ROBO2: variants seen among roughly 807,000 people sequenced by gnomAD.
ROBO2 encodes roundabout homolog 2.
ROBO2 carries 53 observed loss-of-function variants against 160.8 expected under a neutral mutation model. That is an observed-to-expected ratio of 0.33 (90% CI 0.26 to 0.41). The LOEUF (loss-of-function observed/expected upper bound fraction) is 0.41. ROBO2 is among the 10% of genes least tolerant of loss of function. ROBO2 has a pLI of 1.00. For missense variants in ROBO2, 1,577 were observed against 1,722.4 expected (o/e 0.92, Z 1.49); for synonymous variants, 664 against 611.7 (o/e 1.09, Z -1.26).
intron 2 of ROBO2, among the ~76,000 whole-genome samples, chr3:77,415,901 C>G (rs570787167): frequency 1.3e-5 from 2 of 152,170 alleles, no homozygotes; most frequent in African/African-American, 4.8e-5. Context: ...ACAGCTTGTT[C>G]GTTCCTGCAG....
At chr3:76,200,299 G>A (rs1702461929) in intron 2 of ROBO2, among the ~76,000 whole-genome samples, 1 of 152,120 alleles carries the variant, frequency 6.6e-6, no homozygotes, top group African/African-American at 2.4e-5. Context: ...AACAAGGGTT[G>A]TGAAGAGTTC....
intron 2 of ROBO2, among the ~76,000 whole-genome samples, chr3:76,281,189 A>G (rs1430562717): frequency 6.6e-6 from 1 of 151,690 alleles, no homozygotes; most frequent in Non-Finnish European, 1.5e-5. Context: ...AATACTACCA[A>G]TTCCCACATG....
At position 77,116,622 on chromosome 3, in the gene ROBO2, G is replaced by A. The variant is rs140730200; in HGVS notation, c.388+18282G>A. On this transcript the variant is annotated intron_variant, in intron 2 of 25. Coordinates refer to ENST00000461745, the Ensembl canonical transcript of ROBO2. ...GGAAGTATTTACCTGTAATTCTTTCGTCTAAACATTGCTTTTCTAATATGA... is the reference window on the plus strand; with the variant it reads ...GGAAGTATTTACCTGTAATTCTTTCATCTAAACATTGCTTTTCTAATATGA... Among the ~76,000 whole-genome samples the A allele has an allele frequency of 4.7e-3, 722 of 152,182 alleles. 4 individuals are homozygous for A. The highest frequency in any genetic ancestry group is 0.01 in the Middle Eastern group (3 of 294).
chr3:76,071,561 T>C (rs1372459330), intron 2 of ROBO2, among the ~76,000 whole-genome samples: 1 of 152,166 alleles, frequency 6.6e-6, no homozygotes, highest in Non-Finnish European at 1.5e-5. Flanking sequence ...TATCTTTAGG[T>C]ATTTCTTGTT....
At chr3:76,540,291 A>C (rs1475328450) in intron 2 of ROBO2, among the ~76,000 whole-genome samples, 1 of 152,170 alleles carries the variant, frequency 6.6e-6, no homozygotes, top group Non-Finnish European at 1.5e-5. Context: ...TGCTTCTTAA[A>C]TGTGTGGGAA....
At chr3:76,569,850 T>A (rs1163628207) in intron 2 of ROBO2, among the ~76,000 whole-genome samples, 1 of 152,164 alleles carries the variant, frequency 6.6e-6, no homozygotes, top group African/African-American at 2.4e-5. Flanking sequence ...AGCAGCCAGG[T>A]GCAGTGGCTC....
At chr3:75,926,982 C>A (rs199725607) in intron 1 of ROBO2, among the ~76,000 whole-genome samples, 2 of 152,138 alleles carry the variant, frequency 1.3e-5, no homozygotes, top group Non-Finnish European at 2.9e-5. Flanking sequence ...TAACACTTTT[C>A]TTGAGAAATT....
chr3:76,973,655 A>G (rs2059678010), intron 2 of ROBO2, among the ~76,000 whole-genome samples: 1 of 152,320 alleles, frequency 6.6e-6, no homozygotes, highest in Admixed American at 6.5e-5. Context: ...TACATACACA[A>G]GAGACATGGC....
intron 2 of ROBO2, among the ~76,000 whole-genome samples, chr3:77,139,367 A>G (rs1031531508): frequency 2.6e-5 from 4 of 152,218 alleles, no homozygotes; most frequent in Non-Finnish European, 4.4e-5. Flanking sequence ...CTCCATTCAT[A>G]TTTGAAAATT....
rs556858399 is a variant in ROBO2, at chr3:76,940,741, C to T, written c.110-157273C>T. ...TCCTTTTGTACACTCTCCATTCCAA[C>T]GGCTTTATTGCACAATGTATACATT... On this transcript the variant is annotated intron_variant, in intron 2 of 26. Transcript: ENST00000487694. Among the ~76,000 whole-genome samples the T allele has an allele frequency of 2.6e-5, 4 of 152,290 alleles. No homozygotes were observed. The South Asian group carries it at 8.3e-4, about 32-fold the overall frequency.
intron 2 of ROBO2, among the ~76,000 whole-genome samples, chr3:76,299,854 C>CT (rs1201055629): frequency 6.6e-6 from 1 of 151,988 alleles, no homozygotes; most frequent in African/African-American, 2.4e-5. Flanking sequence ...GTAAGAATGA[C>CT]TAAGTTTTTT....
chr3:76,734,563 A>C (rs1464817987), intron 2 of ROBO2, among the ~76,000 whole-genome samples: 1 of 152,102 alleles, frequency 6.6e-6, no homozygotes, highest in African/African-American at 2.4e-5. Context: ...TTTTTCTTCT[A>C]TGTTTTCTTC....
intron 2 of ROBO2, among the ~76,000 whole-genome samples, chr3:77,005,048 A>AACAG (rs1559831954): frequency 8.1e-6 from 1 of 123,800 alleles, no homozygotes; most frequent in Admixed American, 7.4e-5. Flanking sequence ...GCCTAAAACA[A>AACAG]AACAGAACAG....
At chr3:76,753,750 A>G (rs1053370004) in intron 2 of ROBO2, among the ~76,000 whole-genome samples, 7 of 151,794 alleles carry the variant, frequency 4.6e-5, no homozygotes, top group African/African-American at 1.7e-4. Context: ...TTTCATTAAA[A>G]TTTCCCCTGT....
chr3:76,048,882 A>T (rs972148415), intron 2 of ROBO2, among the ~76,000 whole-genome samples: 2 of 152,220 alleles, frequency 1.3e-5, no homozygotes, highest in Non-Finnish European at 2.9e-5. Flanking sequence ...AATGTTAACA[A>T]GATTAATCTC....
intron 2 of ROBO2, among the ~76,000 whole-genome samples, chr3:76,463,761 T>C (rs1439001868): frequency 6.6e-6 from 1 of 152,186 alleles, no homozygotes; most frequent in Non-Finnish European, 1.5e-5. Context: ...ATAGTAACTC[T>C]TTTCTTTGCC....
At chr3:76,814,879 C>G (rs2065522949) in intron 2 of ROBO2, among the ~76,000 whole-genome samples, 1 of 151,784 alleles carries the variant, frequency 6.6e-6, no homozygotes, top group Non-Finnish European at 1.5e-5. Context: ...CTCAGCCAGG[C>G]CAGTATGTGT....
In ROBO2 at chr3:77,113,427, G is replaced by T. The variant is rs2073877796; in HGVS notation, c.388+15087G>T. On this transcript the variant is annotated intron_variant, in intron 2 of 25. Coordinates refer to ENST00000461745, the Ensembl canonical transcript of ROBO2. The stretch of plus-strand genomic sequence containing the variant: ...CCTAAGTACTTATTTGGTTCTTGGG[G>T]ATTGATGGATAAGCTGATGGAGTCT... Among the ~76,000 whole-genome samples the T allele has an allele frequency of 3.3e-5, 5 of 152,308 alleles. No individual in the cohort carries two copies. The South Asian group carries it at 1.0e-3, about 32-fold the overall frequency.
chr3:77,400,044 GA>G (rs1481611408), intron 2 of ROBO2, among the ~76,000 whole-genome samples: 1 of 152,128 alleles, frequency 6.6e-6, no homozygotes, highest in East Asian at 1.9e-4. Context: ...CAGCAGAGAG[GA>G]AATGGATGAG....
Sources: gnomAD v4.1 joint callset for allele counts (sites outside exome capture counted in the v4.1 genomes callset) on GRCh38, gnomAD v4.1.1 for gene constraint, MANE v1.5 for transcripts, NCBI Gene and HGNC (gene_info 2026-07-23, HGNC 2026-07-21) for gene names.